Variants in RIMS1 observed in about 807,000 individuals in gnomAD.
The protein encoded by RIMS1 is regulating synaptic membrane exocytosis protein 1.
RIMS1 carries 83 observed loss-of-function variants against 214.1 expected under a neutral mutation model. That is an observed-to-expected ratio of 0.39 (90% confidence interval 0.32 to 0.47). The LOEUF (loss-of-function observed/expected upper bound fraction) is 0.47, where lower values mean the gene tolerates loss of function less well. Ranked by LOEUF, RIMS1 falls within the 20% of genes least tolerant of loss-of-function variation. The probability of loss-of-function intolerance (pLI) is 0.99; values close to 1 mark genes in which losing one functional copy is unlikely to be tolerated. For missense variants in RIMS1, 2,050 were observed against 2,161.8 expected (o/e 0.95, Z 1.03); for synonymous variants, 793 against 786.8 (o/e 1.01, Z -0.13).
At chr6:72,137,376 A>C (rs145651500) in intron 4 of RIMS1, among the ~76,000 whole-genome samples, 162 of 152,212 alleles carry the variant, frequency 1.1e-3, no homozygotes, top group African/African-American at 3.9e-3. Flanking sequence ...TTTTCTTGGA[A>C]TCTTGTGAAC....
chr6:72,360,041 T>A (rs2097769203), intron 29 of RIMS1, among the ~76,000 whole-genome samples: 1 of 152,224 alleles, frequency 6.6e-6, no homozygotes, highest in Non-Finnish European at 1.5e-5. Flanking sequence ...TTATTTGCCT[T>A]AATTGGAGTG....
chr6:72,008,311 C>A (rs1298529697), intron 2 of RIMS1, among the ~76,000 whole-genome samples: 2 of 152,214 alleles, frequency 1.3e-5, no homozygotes, highest in Non-Finnish European at 1.5e-5. Context: ...CTTAAAAGAG[C>A]TCCTGAAGGA....
At chr6:72,127,352 C>T (rs949066633) in intron 4 of RIMS1, among the ~76,000 whole-genome samples, 17 of 151,820 alleles carry the variant, frequency 1.1e-4, no homozygotes, top group East Asian at 3.9e-4. Context: ...GTGTATATTC[C>T]GCTGAAATGT....
intron 26 of RIMS1, among the ~76,000 whole-genome samples, chr6:72,301,784 A>G (rs537997719): frequency 6.6e-6 from 1 of 151,710 alleles, no homozygotes; most frequent in Non-Finnish European, 1.5e-5. Context: ...AAACTTGAGC[A>G]TCCGTGAATT....
intron 6 of RIMS1, 55 bp from the exon 7 acceptor site, chr6:72,233,718 G>A (rs2062919878): frequency 7.9e-7 from 1 of 1,267,540 alleles, no homozygotes; most frequent in African/African-American, 1.5e-5. Flanking sequence ...AGCTTAAAGT[G>A]ATACACTCTT....
chr6:72,015,824 G>A (rs1812555356), intron 2 of RIMS1, among the ~76,000 whole-genome samples: 1 of 152,144 alleles, frequency 6.6e-6, no homozygotes, highest in African/African-American at 2.4e-5. Flanking sequence ...TACTTGGGAG[G>A]CTGAGGCAGG....
At chr6:72,107,516 G>T (rs143316747) in intron 4 of RIMS1, among the ~76,000 whole-genome samples, 1 of 152,080 alleles carries the variant, frequency 6.6e-6, no homozygotes, top group Non-Finnish European at 1.5e-5. Context: ...AGCCAAGATC[G>T]CATCACTGTA....
intron 28 of RIMS1, among the ~76,000 whole-genome samples, chr6:72,320,772 T>G (rs544362820): frequency 1.2e-4 from 18 of 152,058 alleles, no homozygotes; most frequent in Non-Finnish European, 2.5e-4. Flanking sequence ...ATATAGATTG[T>G]CCAGGGAAAT....
chr6:71,892,810 C>A (rs566576518), intron 1 of RIMS1, among the ~76,000 whole-genome samples: 33 of 152,272 alleles, frequency 2.2e-4, no homozygotes, highest in Admixed American at 6.5e-4. Context: ...CCTCTGCTTA[C>A]AGCCCAATGT....
chr6:71,887,130 T>C lies in RIMS1; in HGVS notation c.107T>C (p.Ile36Thr). The C allele has an allele frequency of 6.2e-7, 1 of 1,613,324 alleles. No individual in the cohort carries two copies. ...SHLTEEERNI[I>T]MAVMDRQKEE... is the part of the protein sequence containing the mutation. ...CTGACCGAAGAGGAGAGGAACATTA[T>C]CATGGCAGTGATGGACCGGCAGAAG... Residue 36 changes from isoleucine (I) to threonine (T), a missense_variant, in exon 1 of 34, where the codon ATC (isoleucine) becomes ACC (threonine). This residue lies in a region of RIMS1 where 882 missense variants were observed against 828.9 expected (regional missense o/e 1.06). Transcript: ENST00000521978.
At chr6:72,121,843 T>C (rs1447652437) in intron 4 of RIMS1, among the ~76,000 whole-genome samples, 1 of 151,926 alleles carries the variant, frequency 6.6e-6, no homozygotes, top group Non-Finnish European at 1.5e-5. Flanking sequence ...ACCTAGTTTA[T>C]TGGGAGCTTT....
intron 4 of RIMS1, among the ~76,000 whole-genome samples, chr6:72,135,704 G>A (rs184026751): frequency 6.6e-6 from 1 of 152,132 alleles, no homozygotes; most frequent in African/African-American, 2.4e-5. Context: ...TACAATCAGA[G>A]AACAGCCAAC....
chr6:72,030,532 TGCCATGTCATAG>T (rs2152005475), intron 2 of RIMS1, among the ~76,000 whole-genome samples: 1 of 152,282 alleles, frequency 6.6e-6, no homozygotes, highest in Non-Finnish European at 1.5e-5. Flanking sequence ...TGCATTAATT[TGCCATGTCATAG>T]GCCATCATTT....
intron 4 of RIMS1, among the ~76,000 whole-genome samples, chr6:72,167,983 A>G (rs1389988210): frequency 6.6e-6 from 1 of 151,998 alleles, no homozygotes; most frequent in Non-Finnish European, 1.5e-5. Context: ...TTGGCAATTT[A>G]AAATTTTGAA....
At chr6:72,294,806 A>T (rs2093884427) in intron 26 of RIMS1, among the ~76,000 whole-genome samples, 1 of 151,772 alleles carries the variant, frequency 6.6e-6, no homozygotes. Context: ...CCTATTTGCT[A>T]CATAGAGCCA....
chr6:71,977,895 A>C (rs996611600), intron 2 of RIMS1, among the ~76,000 whole-genome samples: 1 of 152,190 alleles, frequency 6.6e-6, no homozygotes, highest in Non-Finnish European at 1.5e-5. Context: ...AGAAACCCTT[A>C]AAGCACTTTA....
intron 4 of RIMS1, among the ~76,000 whole-genome samples, chr6:72,176,111 C>G (rs1184057616): frequency 1.3e-5 from 2 of 152,168 alleles, no homozygotes; most frequent in African/African-American, 4.8e-5. Flanking sequence ...TGCTTAACAT[C>G]TGTAAATTGT....
chr6:71,992,549 T>C (rs1802089847), intron 2 of RIMS1, among the ~76,000 whole-genome samples: 1 of 148,630 alleles, frequency 6.7e-6, no homozygotes, highest in African/African-American at 2.5e-5. Context: ...CTTCTTCTTC[T>C]CCTTCTTCCT....
At chr6:72,007,460 G>A (rs1162343581) in intron 2 of RIMS1, among the ~76,000 whole-genome samples, 2 of 152,224 alleles carry the variant, frequency 1.3e-5, no homozygotes, top group African/African-American at 2.4e-5. Flanking sequence ...AACAATGGAA[G>A]AAAGCTGGAC....
Sources: allele counts gnomAD v4.1 joint callset (sites outside exome capture counted in the v4.1 genomes callset), GRCh38; gene constraint gnomAD v4.1.1; regional missense constraint gnomAD v4.1.1; transcripts MANE v1.5; gene names NCBI Gene and HGNC (gene_info 2026-07-23, HGNC 2026-07-21).